ZNF804A: variants seen among roughly 807,000 people sequenced by gnomAD.
The protein encoded by ZNF804A is zinc finger protein 804A.
Under a neutral mutation model 16.5 loss-of-function variants are expected in ZNF804A, and 2 were observed. The observed-to-expected ratio is 0.12, with a 90% confidence interval of 0.05 to 0.38. The LOEUF (loss-of-function observed/expected upper bound fraction) is 0.38. Ranked by LOEUF, ZNF804A falls within the 10% of genes least tolerant of loss-of-function variation. ZNF804A has a pLI of 0.99. For synonymous variants in ZNF804A, 534 were observed against 489.6 expected, an observed-to-expected ratio of 1.09 and a Z score of -1.20; for missense variants, 1,473 against 1,390.7, an observed-to-expected ratio of 1.06 and a Z score of -0.94.
intron 1 of ZNF804A, among the ~76,000 whole-genome samples, chr2:184,861,004 C>T (rs1271267224): frequency 6.6e-6 from 1 of 152,178 alleles, no homozygotes; most frequent in African/African-American, 2.4e-5. Context: ...AGTGGTGGAG[C>T]AGACTGAAGA....
At chr2:184,608,548 A>C (rs1691187267) in intron 1 of ZNF804A, among the ~76,000 whole-genome samples, 1 of 152,102 alleles carries the variant, frequency 6.6e-6, no homozygotes, top group Admixed American at 6.6e-5. Flanking sequence ...TGTGGAGTGG[A>C]CTTGTTATTG....
At chr2:184,777,997 T>C (rs1191047472) in intron 1 of ZNF804A, among the ~76,000 whole-genome samples, 1 of 151,692 alleles carries the variant, frequency 6.6e-6, no homozygotes, top group Non-Finnish European at 1.5e-5. Context: ...ATTGAAATAA[T>C]GTTTTTAAAA....
intron 1 of ZNF804A, among the ~76,000 whole-genome samples, chr2:184,658,004 G>T (rs919202072): frequency 2.6e-5 from 4 of 152,152 alleles, no homozygotes; most frequent in African/African-American, 9.7e-5. Flanking sequence ...ATTAGTGTTG[G>T]ATAAATAACC....
At chr2:184,898,734 T>C (rs1685129556) in intron 2 of ZNF804A, among the ~76,000 whole-genome samples, 1 of 151,994 alleles carries the variant, frequency 6.6e-6, no homozygotes, top group African/African-American at 2.4e-5. Flanking sequence ...GACAGGATAA[T>C]ATATTAATTG....
intron 1 of ZNF804A, among the ~76,000 whole-genome samples, chr2:184,711,521 C>A (rs1313103151): frequency 6.6e-6 from 1 of 151,648 alleles, no homozygotes; most frequent in Non-Finnish European, 1.5e-5. Flanking sequence ...TGGAGTACTA[C>A]TTGTCTATTT....
intron 3 of ZNF804A, 117 bp from the exon 4 acceptor site, chr2:184,935,666 A>T: frequency 8.1e-7 from 1 of 1,231,428 alleles, no homozygotes. Flanking sequence ...CAATTCTGTC[A>T]CAAAGATTTT....
At chr2:184,708,314 G>A (rs1056853228) in intron 1 of ZNF804A, among the ~76,000 whole-genome samples, 2 of 151,540 alleles carry the variant, frequency 1.3e-5, no homozygotes, top group African/African-American at 4.8e-5. Flanking sequence ...TACTTTTTAG[G>A]ACAAAAAAAG....
chr2:184,763,601 C>T (rs1208698509), intron 1 of ZNF804A, among the ~76,000 whole-genome samples: 2 of 118,160 alleles, frequency 1.7e-5, no homozygotes, highest in Non-Finnish European at 3.5e-5. Flanking sequence ...CTACCACTCT[C>T]TATTGCTTTA....
chr2:184,911,484 T>C (rs1685357668), intron 2 of ZNF804A, among the ~76,000 whole-genome samples: 1 of 152,034 alleles, frequency 6.6e-6, no homozygotes. Context: ...CATTTTAGAA[T>C]AGTATTTCTA....
intron 1 of ZNF804A, among the ~76,000 whole-genome samples, chr2:184,666,129 C>A (rs906632488): frequency 6.6e-6 from 1 of 152,160 alleles, no homozygotes; most frequent in Non-Finnish European, 1.5e-5. Flanking sequence ...GATATTTGTA[C>A]ATTTGATACA....
At chr2:184,852,885 C>T (rs1695627996) in intron 1 of ZNF804A, among the ~76,000 whole-genome samples, 1 of 151,706 alleles carries the variant, frequency 6.6e-6, no homozygotes, top group Non-Finnish European at 1.5e-5. Context: ...GTGATGCCTC[C>T]ATCTTTGTTC....
chr2:184,753,843 T>C (rs1693914161), intron 1 of ZNF804A, among the ~76,000 whole-genome samples: 1 of 151,858 alleles, frequency 6.6e-6, no homozygotes, highest in Non-Finnish European at 1.5e-5. Flanking sequence ...TTCTCCTGTT[T>C]TTCCTTGCTA....
chr2:184,799,159 G>A (rs891106579), intron 1 of ZNF804A, among the ~76,000 whole-genome samples: 1 of 151,974 alleles, frequency 6.6e-6, no homozygotes, highest in African/African-American at 2.4e-5. Flanking sequence ...AGGGTCTGTG[G>A]GTCCTTTGGA....
In ZNF804A at chr2:184,936,852, C is replaced by A; in HGVS notation, c.1456C>A (p.Gln486Lys). The change falls in exon 4 of 4, where the codon CAG becomes AAG. Residue 486 changes from glutamine to lysine, a missense_variant. Transcript: ENST00000302277. ...NKPDLKDLCS[Q>K]QKQEDICMGP... ...GCCAGACTTAAAAGATCTTTGTTCT[C>A]AGCAGAAGCAGGAAGACATTTGCAT... 1 of 1,613,052 alleles carries A rather than the reference C, an allele frequency of 6.2e-7. No homozygotes were observed. The highest frequency in any genetic ancestry group is 8.5e-7 in the Non-Finnish European group (1 of 1,179,670).
intron 1 of ZNF804A, among the ~76,000 whole-genome samples, chr2:184,826,006 A>C (rs1007002413): frequency 6.6e-6 from 1 of 151,642 alleles, no homozygotes; most frequent in African/African-American, 2.4e-5. Context: ...TGAGTAGCTG[A>C]GATTATAGGC....
chr2:184,856,199 T>TA (rs1558983588), intron 1 of ZNF804A, among the ~76,000 whole-genome samples: 3 of 152,042 alleles, frequency 2.0e-5, no homozygotes. Flanking sequence ...TATCAGTTTA[T>TA]AAAATCAAAG....
In ZNF804A at chr2:184,931,638, T is replaced by C. The variant is rs78866252; in HGVS notation, c.256-1965T>C. On this transcript the variant is annotated intron_variant, in intron 2 of 3. Coordinates refer to ENST00000302277, the MANE Select transcript of ZNF804A (RefSeq NM_194250.2). ...CTGGGCCTGTGACAGGACAGGCTGC[T>C]GTGAAGAAACCTGACATGCCTCGGA... 9.8e-3 allele frequency among the ~76,000 whole-genome samples: 1,498 copies of C among 152,348 alleles called. 9 individuals are homozygous for C. Among genetic ancestry groups the C allele is most frequent in the Middle Eastern group, 0.027 (8 of 294 alleles).
At chr2:184,762,826 A>G (rs1694059705) in intron 1 of ZNF804A, among the ~76,000 whole-genome samples, 1 of 152,138 alleles carries the variant, frequency 6.6e-6, no homozygotes, top group African/African-American at 2.4e-5. Flanking sequence ...ATTTCTAAGC[A>G]GTGAGGAAAT....
intron 1 of ZNF804A, among the ~76,000 whole-genome samples, chr2:184,608,205 A>G (rs1691182220): frequency 6.6e-6 from 1 of 151,890 alleles, no homozygotes; most frequent in African/African-American, 2.4e-5. Context: ...TCGGCTTCCC[A>G]AAGTGCTGGG....
Sources: allele counts gnomAD v4.1 joint callset (sites outside exome capture counted in the v4.1 genomes callset), GRCh38; gene constraint gnomAD v4.1.1; transcripts MANE v1.5; gene names NCBI Gene and HGNC (gene_info 2026-07-23, HGNC 2026-07-21).